The following GNA12 variants were observed in gnomAD, a reference collection of about 807,000 sequenced individuals.
GNA12 encodes G protein subunit alpha 12, also known as guanine nucleotide-binding protein subunit alpha-12.
GNA12 carries 9 observed loss-of-function variants against 26.0 expected under a neutral mutation model. The ratio of observed to expected loss-of-function variants is 0.35; its 90% CI spans 0.21 to 0.60. GNA12 has a LOEUF of 0.60. Among genes scored for constraint, GNA12 ranks in the 20% least tolerant of loss-of-function variants. The pLI is 0.78. For synonymous variants in GNA12, 264 were observed against 219.6 expected, an observed-to-expected ratio of 1.20 and a Z score of -1.79; for missense variants, 405 against 525.8, an observed-to-expected ratio of 0.77 and a Z score of 2.25.
intron 2 of GNA12, among the ~76,000 whole-genome samples, chr7:2,784,832 GT>G (rs1792319004): frequency 6.6e-6 from 1 of 152,134 alleles, no homozygotes; most frequent in African/African-American, 2.4e-5. Context: ...CTTAATTTAT[GT>G]TGACTTTTGC....
chr7:2,834,658 T>C (rs1778776700), intron 1 of GNA12, among the ~76,000 whole-genome samples: 1 of 152,230 alleles, frequency 6.6e-6, no homozygotes, highest in Admixed American at 6.5e-5. Context: ...AATGATGTTT[T>C]GGTAAAAGAT....
intron 2 of GNA12, among the ~76,000 whole-genome samples, chr7:2,772,877 A>T (rs1025274407): frequency 6.6e-6 from 1 of 152,268 alleles, no homozygotes; most frequent in Non-Finnish European, 1.5e-5. Context: ...GCCAAAAACG[A>T]GAAACAAACA....
At chr7:2,761,519 A>G (rs1791554879) in intron 2 of GNA12, among the ~76,000 whole-genome samples, 1 of 152,220 alleles carries the variant, frequency 6.6e-6, no homozygotes, top group South Asian at 2.1e-4. Context: ...GGATGACTAA[A>G]AAGAGCTGGA....
chr7:2,740,197 T>C (rs1342426310), intron 2 of GNA12, among the ~76,000 whole-genome samples: 4 of 152,220 alleles, frequency 2.6e-5, no homozygotes, highest in African/African-American at 7.2e-5. Flanking sequence ...TTCCTGGTGA[T>C]CTTTTCTAGG....
intron 2 of GNA12, among the ~76,000 whole-genome samples, chr7:2,782,558 C>T (rs1463664326): frequency 6.6e-6 from 1 of 152,182 alleles, no homozygotes; most frequent in Non-Finnish European, 1.5e-5. Flanking sequence ...CAAACTGTCA[C>T]TCCTTGAAAG....
chr7:2,733,611 T>A, intron 2 of GNA12, 110 bp from the exon 3 acceptor site: 2 of 789,948 alleles, frequency 2.5e-6, no homozygotes, highest in Non-Finnish European at 4.4e-6. Flanking sequence ...TCCGTGTGAA[T>A]GGGAAAGCAA....
At chr7:2,843,823 T>C (rs1583324258) in intron 1 of GNA12, 30 bp downstream of exon 1, 2 of 1,319,684 alleles carry the variant, frequency 1.5e-6, no homozygotes, top group Non-Finnish European at 2.0e-6. Context: ...CCCACCTGGG[T>C]GCAGGTGCTG....
chr7:2,808,659 C>T (rs768613164), intron 1 of GNA12, among the ~76,000 whole-genome samples: 7 of 152,220 alleles, frequency 4.6e-5, no homozygotes, highest in Non-Finnish European at 1.0e-4. Flanking sequence ...GCTACAATTT[C>T]CCTACTTCCT....
intron 2 of GNA12, among the ~76,000 whole-genome samples, chr7:2,743,990 C>G (rs946976055): frequency 2.0e-4 from 30 of 152,268 alleles, no homozygotes; most frequent in African/African-American, 6.7e-4. Context: ...CCACCATTGC[C>G]GAGACTTGAT....
At chr7:2,771,347 G>A (rs374653110) in intron 2 of GNA12, among the ~76,000 whole-genome samples, 13 of 152,100 alleles carry the variant, frequency 8.5e-5, no homozygotes, top group East Asian at 5.8e-4. Context: ...AACTTGCCCA[G>A]TCTGATGACT....
intron 1 of GNA12, among the ~76,000 whole-genome samples, chr7:2,827,901 T>A (rs1371218469): frequency 6.7e-6 from 1 of 149,928 alleles, no homozygotes; most frequent in Non-Finnish European, 1.5e-5. Flanking sequence ...ACATTCTCCC[T>A]ACCCCCGATA....
chr7:2,834,436 T>A (rs954886966), intron 1 of GNA12, among the ~76,000 whole-genome samples: 1 of 152,220 alleles, frequency 6.6e-6, no homozygotes, highest in Non-Finnish European at 1.5e-5. Flanking sequence ...AAGTTACTTG[T>A]GCAACTGTCT....
intron 1 of GNA12, among the ~76,000 whole-genome samples, chr7:2,795,958 T>C (rs1408406126): frequency 2.6e-5 from 4 of 151,872 alleles, no homozygotes; most frequent in Non-Finnish European, 4.4e-5. Flanking sequence ...GTAGCTAGGA[T>C]TACAGGTACC....
intron 2 of GNA12, among the ~76,000 whole-genome samples, chr7:2,750,854 T>C (rs1019055913): frequency 6.6e-6 from 1 of 152,260 alleles, no homozygotes; most frequent in Admixed American, 6.5e-5. Context: ...TTTAGAGTTA[T>C]CAGCTTGGGA....
chr7:2,771,492 G>A (rs1055291464), intron 2 of GNA12, among the ~76,000 whole-genome samples: 5 of 152,212 alleles, frequency 3.3e-5, no homozygotes, highest in Admixed American at 2.6e-4. Context: ...ACCCGTGGTC[G>A]GCATCTATCC....
At chr7:2,732,362 C>T (rs929943515) in intron 3 of GNA12, among the ~76,000 whole-genome samples, 1 of 152,108 alleles carries the variant, frequency 6.6e-6, no homozygotes, top group African/African-American at 2.4e-5. Flanking sequence ...GCCTGGGCAA[C>T]ATAGTAAAAC....
chr7:2,816,267 G>A (rs1350817460), intron 1 of GNA12, among the ~76,000 whole-genome samples: 2 of 139,858 alleles, frequency 1.4e-5, no homozygotes, highest in African/African-American at 5.3e-5. Flanking sequence ...TCTTGATCTC[G>A]CCGCCCAGGC....
chr7:2,780,295 C>A (rs1792196085), intron 2 of GNA12, among the ~76,000 whole-genome samples: 1 of 151,690 alleles, frequency 6.6e-6, no homozygotes. Flanking sequence ...TAGGTTGTTT[C>A]CTTTTTGTTT....
intron 1 of GNA12, among the ~76,000 whole-genome samples, chr7:2,808,003 G>A (rs901752201): frequency 3.9e-5 from 6 of 152,210 alleles, no homozygotes; most frequent in African/African-American, 9.6e-5. Flanking sequence ...CATTTTGGGC[G>A]CTTCCTCCAC....
Sources: allele counts gnomAD v4.1 joint callset (sites outside exome capture counted in the v4.1 genomes callset), GRCh38; gene constraint gnomAD v4.1.1; transcripts MANE v1.5; gene names NCBI Gene and HGNC (gene_info 2026-07-23, HGNC 2026-07-21).